Variants in PGS1 observed in about 807,000 individuals in gnomAD.
PGS1 encodes the protein phosphatidylglycerophosphate synthase 1.
In PGS1, 44 loss-of-function variants were observed where a neutral mutation model predicts 58.3. The ratio of observed to expected loss-of-function variants is 0.75; its 90% CI spans 0.59 to 0.97. PGS1 has a LOEUF of 0.97. Among genes scored for constraint, PGS1 ranks in the 50% least tolerant of loss-of-function variants. The probability of loss-of-function intolerance (pLI) is 0.00; values close to 1 mark genes in which losing one functional copy is unlikely to be tolerated. For synonymous variants in PGS1, 330 were observed against 311.0 expected (o/e 1.06, Z -0.64); for missense variants, 684 against 731.1 (o/e 0.94, Z 0.74).
In PGS1 at chr17:78,413,902, G is replaced by A. The variant is rs191602018; in HGVS notation, c.1403-977G>A. On this transcript the variant is annotated intron_variant, in intron 7 of 9. Coordinates refer to ENST00000262764, the MANE Select transcript of PGS1 (RefSeq NM_024419.5). ...GTGGCCTTGTTACAGAAATGGCCTC[G>A]TAGTGTGGCCCCCCCTGCCACACAG... Among the ~76,000 whole-genome samples the A allele has an allele frequency of 6.3e-3, 959 of 152,350 alleles. 7 individuals are homozygous for A. Among genetic ancestry groups the A allele is most frequent in the Admixed American group, 7.9e-3 (121 of 15,308 alleles).
chr17:78,378,918 C>G (rs1458382782), intron 1 of PGS1, 110 bp downstream of exon 1: 11 of 1,196,684 alleles, frequency 9.2e-6, no homozygotes, highest in Non-Finnish European at 1.1e-5. Flanking sequence ...AGTCCCTCCC[C>G]GGTTTCCGGG....
chr17:78,399,288 A>G (rs2083470818), intron 4 of PGS1, 60 bp from the exon 5 acceptor site: 4 of 1,390,368 alleles, frequency 2.9e-6, no homozygotes, highest in Non-Finnish European at 4.1e-6. Context: ...GTGGCTCCTC[A>G]TTGGGGGCAG....
intron 9 of PGS1, chr17:78,420,206 G>A (rs972569770): frequency 1.8e-5 from 18 of 998,590 alleles, no homozygotes; most frequent in South Asian, 8.6e-5. Context: ...CCTGTGCTGC[G>A]GTTACAGAGC....
At chr17:78,403,473 C>T in intron 6 of PGS1, 95 bp from the exon 7 acceptor site, 2 of 1,296,488 alleles carry the variant, frequency 1.5e-6, no homozygotes, top group Non-Finnish European at 1.1e-6. Flanking sequence ...GTTGTAGCGT[C>T]TGCACTTGCC....
At chr17:78,386,436 T>C (rs965551719) in intron 1 of PGS1, among the ~76,000 whole-genome samples, 7 of 152,162 alleles carry the variant, frequency 4.6e-5, no homozygotes, top group Non-Finnish European at 1.0e-4. Context: ...AAGGTTATTA[T>C]CTGACTCCCC....
At chr17:78,390,526 G>T (rs1211094882) in intron 1 of PGS1, among the ~76,000 whole-genome samples, 1 of 152,218 alleles carries the variant, frequency 6.6e-6, no homozygotes, top group Non-Finnish European at 1.5e-5. Flanking sequence ...CGAAGCCTGG[G>T]AAGATTGAGG....
chr17:78,402,051 A>C (rs969831166), intron 6 of PGS1, among the ~76,000 whole-genome samples: 29 of 151,708 alleles, frequency 1.9e-4, no homozygotes, highest in African/African-American at 7.0e-4. Flanking sequence ...GGGTGTGCGC[A>C]GGGCCCCCCG....
chr17:78,383,673 C>T (rs549646638), intron 1 of PGS1, among the ~76,000 whole-genome samples: 4 of 152,182 alleles, frequency 2.6e-5, no homozygotes, highest in Admixed American at 1.3e-4. Context: ...TTAGTATAAC[C>T]ATCTCTTCGT....
chr17:78,398,403 TC>T (rs1331607499), intron 4 of PGS1, 52 bp downstream of exon 4: 1 of 1,219,522 alleles, frequency 8.2e-7, no homozygotes, highest in Non-Finnish European at 1.2e-6. Flanking sequence ...AGATCCTCAG[TC>T]CCAAGAGGGG....
chr17:78,407,342 G>A (rs2084242461), intron 7 of PGS1, among the ~76,000 whole-genome samples: 1 of 152,240 alleles, frequency 6.6e-6, no homozygotes, highest in South Asian at 2.1e-4. Context: ...TGTGTCCCCA[G>A]TGGGATCTTA....
intron 7 of PGS1, among the ~76,000 whole-genome samples, chr17:78,405,849 C>T (rs1261751032): frequency 1.3e-5 from 2 of 152,262 alleles, no homozygotes; most frequent in African/African-American, 4.8e-5. Context: ...TAGTGGCTTT[C>T]GGAAGAGCTG....
chr17:78,394,561 T>TC (rs1379053313), intron 2 of PGS1, among the ~76,000 whole-genome samples: 1 of 151,818 alleles, frequency 6.6e-6, no homozygotes, highest in Non-Finnish European at 1.5e-5. Context: ...TCTTTTCTTT[T>TC]CTTTTTTTTT....
In PGS1 at chr17:78,403,485, A is replaced by G. The variant is rs916418626; in HGVS notation, c.881-83A>G. 4.2e-6 allele frequency: 6 copies of G among 1,415,928 alleles called. No individual in the cohort carries two copies. The African/African-American group carries it at 5.7e-5, about 13-fold the overall frequency. 87.7% of individuals were successfully genotyped at this position (1,415,928 alleles called of 1,614,324 possible). On this transcript the variant is annotated intron_variant, in intron 6 of 9. Transcript: ENST00000262764. ...CCAGTTGTAGCGTCTGCACTTGCCT[A>G]TCACATGCCCTGTCCCCTGAGCTGG...
rs751840513 is a variant in PGS1, at chr17:78,424,145, A to G, written c.*95A>G. ...GCGATGACTCCAGTCTGGGTGTCCC[A>G]GCGAGCCCCTGCAGGGACAGTATGG... On this transcript the variant is annotated 3_prime_UTR_variant, in exon 10 of 10. Transcript: ENST00000262764. 16 of 1,611,030 alleles carry G rather than the reference A, an allele frequency of 9.9e-6. No homozygotes were observed. The highest frequency in any genetic ancestry group is 1.4e-5 in the Non-Finnish European group (16 of 1,178,896).
chr17:78,390,297 G>A (rs2082727760), intron 1 of PGS1, among the ~76,000 whole-genome samples: 2 of 146,764 alleles, frequency 1.4e-5, no homozygotes, highest in Admixed American at 1.4e-4. Flanking sequence ...ATGCCTGTGA[G>A]TGTCATCACC....
At chr17:78,411,199 G>C (rs967253812) in intron 7 of PGS1, among the ~76,000 whole-genome samples, 1 of 152,180 alleles carries the variant, frequency 6.6e-6, no homozygotes, top group South Asian at 2.1e-4. Context: ...TCGACCACAT[G>C]GGGCTTGCAG....
intron 7 of PGS1, among the ~76,000 whole-genome samples, chr17:78,407,054 C>T (rs373947537): frequency 1.6e-4 from 25 of 152,318 alleles, no homozygotes; most frequent in Middle Eastern, 3.4e-3. Context: ...TCTCTCCTGC[C>T]CTGGTGTGGG....
chr17:78,400,936 C>G lies in PGS1; in HGVS notation c.880+81C>G, dbSNP rs2083608521. On this transcript the variant is annotated intron_variant, in intron 6 of 9. Coordinates refer to ENST00000262764, the MANE Select transcript of PGS1 (RefSeq NM_024419.5). The surrounding 1 kb of genome is among the most constrained non-coding windows in gnomAD (Gnocchi z 4.4). The stretch of plus-strand genomic sequence containing the variant: ...CGGGAGAGCACAACTCTAGGTGGTT[C>G]TGCCACAGGCATAGGGGACTTGGGT... 1.8e-5 allele frequency: 22 copies of G among 1,245,410 alleles called. No individual in the cohort carries two copies. The highest frequency in any genetic ancestry group is 2.4e-5 in the Non-Finnish European group (22 of 907,364). The allele number at this position is 1,245,410 out of a possible 1,614,324, so 77.1% of individuals were successfully genotyped here.
Position 78,400,930 on chromosome 17 carries a change from G to C in PGS1, c.880+75G>C. ...AGGGCCCGGGAGAGCACAACTCTAGGTGGTTCTGCCACAGGCATAGGGGAC... is the reference window on the plus strand; with the variant it reads ...AGGGCCCGGGAGAGCACAACTCTAGCTGGTTCTGCCACAGGCATAGGGGAC... On this transcript the variant is annotated intron_variant, in intron 6 of 9. Coordinates refer to ENST00000262764, the MANE Select transcript of PGS1 (RefSeq NM_024419.5). This position sits in a 1 kb window ranked among gnomAD's most constrained non-coding sequence, Gnocchi z 4.4. The C allele has an allele frequency of 7.6e-7, 1 of 1,320,480 alleles. No individual in the cohort carries two copies. Among genetic ancestry groups the C allele is most frequent in the South Asian group, 1.4e-5 (1 of 69,510 alleles). The allele number at this position is 1,320,480 out of a possible 1,614,324, so 81.8% of individuals were successfully genotyped here.
Sources: gnomAD v4.1 joint callset for allele counts (sites outside exome capture counted in the v4.1 genomes callset) on GRCh38, gnomAD v4.1.1 for gene constraint, Gnocchi (gnomAD v3.1) non-coding constraint, MANE v1.5 for transcripts, NCBI Gene and HGNC (gene_info 2026-07-23, HGNC 2026-07-21) for gene names.